Variants in CASD1 observed in about 807,000 individuals in gnomAD.
The protein encoded by CASD1 is CAS1 domain sialic acid O acetyltransferase 1, also known as N-acetylneuraminate (7)9-O-acetyltransferase.
Under a neutral mutation model 100.0 loss-of-function variants are expected in CASD1, and 41 were observed. That is an observed-to-expected ratio of 0.41 (90% CI 0.32 to 0.53). The LOEUF (loss-of-function observed/expected upper bound fraction) is 0.53. Among genes scored for constraint, CASD1 ranks in the 20% least tolerant of loss-of-function variants. The pLI is 0.25. For synonymous variants in CASD1, 321 were observed against 315.6 expected, an observed-to-expected ratio of 1.02 and a Z score of -0.18; for missense variants, 774 against 948.7, an observed-to-expected ratio of 0.82 and a Z score of 2.42.
the CASD1 span, among the ~76,000 whole-genome samples, chr7:94,568,369 T>C: frequency 6.6e-6 from 1 of 152,250 alleles, no homozygotes; most frequent in African/African-American, 2.4e-5. Flanking sequence ...ATCATAAAAG[T>C]ATAGAAAAAA....
At chr7:94,533,072 T>G in intron 5 of CASD1, 133 bp from the exon 6 acceptor site, 1 of 516,384 alleles carries the variant, frequency 1.9e-6, no homozygotes. Context: ...GCAATAATAA[T>G]AAGGAATTCT....
At chr7:94,603,515 C>T in the CASD1 span, 10 of 1,491,006 alleles carry the variant, frequency 6.7e-6, no homozygotes, top group African/African-American at 1.4e-4. Context: ...AAAAACAATC[C>T]ACCTTAAAAG....
At chr7:94,538,435 G>T (rs1795222541) in intron 9 of CASD1, among the ~76,000 whole-genome samples, 1 of 152,006 alleles carries the variant, frequency 6.6e-6, no homozygotes, top group African/African-American at 2.4e-5. Flanking sequence ...TACAAGGCAT[G>T]ATTTATTTGA....
chr7:94,526,827 G>C (rs945182504), intron 3 of CASD1, among the ~76,000 whole-genome samples: 3 of 152,058 alleles, frequency 2.0e-5, no homozygotes, highest in African/African-American at 7.2e-5. Context: ...ACAAAAAATA[G>C]TAATACTGGA....
chr7:94,518,714 G>A (rs1337947989), intron 3 of CASD1, among the ~76,000 whole-genome samples: 1 of 151,170 alleles, frequency 6.6e-6, no homozygotes, highest in African/African-American at 2.4e-5. Flanking sequence ...TTTAATATGT[G>A]CAATTTTATA....
intron 3 of CASD1, among the ~76,000 whole-genome samples, chr7:94,521,041 G>C (rs761378942): frequency 1.8e-4 from 27 of 152,064 alleles, no homozygotes; most frequent in Non-Finnish European, 7.4e-5. Context: ...GCAGTGAGCT[G>C]AGATCATGCC....
the CASD1 span, among the ~76,000 whole-genome samples, chr7:94,614,530 C>T: frequency 6.6e-6 from 1 of 152,276 alleles, no homozygotes; most frequent in South Asian, 2.1e-4. Context: ...AGTTCTGAAT[C>T]CACTATGCTC....
intron 10 of CASD1, among the ~76,000 whole-genome samples, chr7:94,543,708 AT>A (rs1795534319): frequency 6.6e-6 from 1 of 151,948 alleles, no homozygotes; most frequent in Non-Finnish European, 1.5e-5. Context: ...GATTGTACAC[AT>A]AAAGGATCAG....
chr7:94,596,571 G>T, the CASD1 span, among the ~76,000 whole-genome samples: 5 of 152,034 alleles, frequency 3.3e-5, no homozygotes, highest in African/African-American at 1.2e-4. Flanking sequence ...CACACTAAGG[G>T]ACTGAAGACT....
At chr7:94,570,441 A>G in the CASD1 span, among the ~76,000 whole-genome samples, 2 of 152,146 alleles carry the variant, frequency 1.3e-5, no homozygotes, top group African/African-American at 4.8e-5. Flanking sequence ...TGATGTCACA[A>G]ATTACATTTT....
chr7:94,535,015 A>T (rs1423584085), intron 7 of CASD1, among the ~76,000 whole-genome samples: 1 of 152,176 alleles, frequency 6.6e-6, no homozygotes, highest in Non-Finnish European at 1.5e-5. Flanking sequence ...AAAATGTTAA[A>T]CTCTTAAGAC....
chr7:94,533,087 A>G, intron 5 of CASD1, 118 bp from the exon 6 acceptor site: 2 of 584,704 alleles, frequency 3.4e-6, no homozygotes, highest in Non-Finnish European at 5.6e-6. Flanking sequence ...AATTCTAAAA[A>G]CTTAGAATGA....
chr7:94,571,447 A>G, the CASD1 span, among the ~76,000 whole-genome samples: 1 of 152,148 alleles, frequency 6.6e-6, no homozygotes, highest in African/African-American at 2.4e-5. Flanking sequence ...AATAATTATG[A>G]GGAGCTTGAT....
chr7:94,523,451 G>A (rs1193238491), intron 3 of CASD1, among the ~76,000 whole-genome samples: 1 of 152,108 alleles, frequency 6.6e-6, no homozygotes, highest in Non-Finnish European at 1.5e-5. Context: ...AATATACCGT[G>A]TGCAATGGTA....
the CASD1 span, among the ~76,000 whole-genome samples, chr7:94,569,212 A>G: frequency 2.2e-4 from 33 of 152,256 alleles, no homozygotes; most frequent in East Asian, 3.7e-3. Context: ...TTATACTCAT[A>G]TTGGTGGAAA....
At chr7:94,577,618 G>A in the CASD1 span, among the ~76,000 whole-genome samples, 1 of 152,100 alleles carries the variant, frequency 6.6e-6, no homozygotes, top group Admixed American at 6.5e-5. Context: ...ACATTCATGT[G>A]TAGATTCCAA....
chr7:94,559,276 C>CTTGTGTGTGTGTG (rs1554417390), downstream of CASD1, among the ~76,000 whole-genome samples: 1 of 137,508 alleles, frequency 7.3e-6, no homozygotes, highest in African/African-American at 2.7e-5. Flanking sequence ...GTATATATGT[C>CTTGTGTGTGTGTG]TGTGTGTGTG....
At chr7:94,511,699 TAGAG>T (rs965430572) in intron 1 of CASD1, among the ~76,000 whole-genome samples, 1 of 152,238 alleles carries the variant, frequency 6.6e-6, no homozygotes, top group African/African-American at 2.4e-5. Context: ...GTAATGGTAG[TAGAG>T]AGAAATTTTA....
chr7:94,552,733 T>C (rs1278911743), intron 16 of CASD1, among the ~76,000 whole-genome samples: 1 of 152,156 alleles, frequency 6.6e-6, no homozygotes, highest in Non-Finnish European at 1.5e-5. Flanking sequence ...GGTTAGGAGT[T>C]TGAGACCAGC....
Sources: allele counts gnomAD v4.1 joint callset (sites outside exome capture counted in the v4.1 genomes callset), GRCh38; gene constraint gnomAD v4.1.1; transcripts MANE v1.5; gene names NCBI Gene and HGNC (gene_info 2026-07-23, HGNC 2026-07-21).